The following KMT2C variants were observed in gnomAD, a reference collection of about 807,000 sequenced individuals.
KMT2C encodes lysine methyltransferase 2C.
In KMT2C, 88 loss-of-function variants were observed where a neutral mutation model predicts 507.9. That is an observed-to-expected ratio of 0.17 (90% confidence interval 0.15 to 0.21). The LOEUF (loss-of-function observed/expected upper bound fraction) is 0.21, where lower values mean the gene tolerates loss of function less well. Among genes scored for constraint, KMT2C ranks in the 10% least tolerant of loss-of-function variants. The pLI, the probability that KMT2C is intolerant of heterozygous loss-of-function variation, is 1.00. For synonymous variants in KMT2C, 2,049 were observed against 2,080.8 expected, an observed-to-expected ratio of 0.98 and a Z score of 0.42; for missense variants, 4,954 against 5,957.8, an observed-to-expected ratio of 0.83 and a Z score of 5.55.
chr7:152,424,537 C>A (rs1405448541), intron 1 of KMT2C, among the ~76,000 whole-genome samples: 1 of 152,118 alleles, frequency 6.6e-6, no homozygotes, highest in Non-Finnish European at 1.5e-5. Context: ...ATCCTCCCAC[C>A]TCAGCCTCCT....
intron 9 of KMT2C, among the ~76,000 whole-genome samples, chr7:152,262,577 T>C (rs1349105417): frequency 2.6e-5 from 4 of 152,202 alleles, no homozygotes; most frequent in Non-Finnish European, 5.9e-5. Context: ...GGTGATTCAA[T>C]ACACAAATTG....
intron 6 of KMT2C, among the ~76,000 whole-genome samples, chr7:152,275,593 T>C (rs1023835115): frequency 1.3e-5 from 2 of 152,176 alleles, no homozygotes; most frequent in African/African-American, 2.4e-5. Context: ...AGAAAATAAA[T>C]ATTTTTCTTC....
chr7:152,204,448 A>T (rs2094237194), intron 25 of KMT2C, among the ~76,000 whole-genome samples: 1 of 152,162 alleles, frequency 6.6e-6, no homozygotes, highest in Admixed American at 6.5e-5. Context: ...CCAAAAAATT[A>T]GCTAGGCATG....
intron 1 of KMT2C, among the ~76,000 whole-genome samples, chr7:152,380,165 GA>G (rs1365266271): frequency 9.8e-5 from 15 of 152,372 alleles, no homozygotes; most frequent in African/African-American, 3.6e-4. Context: ...CCAGGAGGCA[GA>G]AGTTGCAGTG....
intron 1 of KMT2C, among the ~76,000 whole-genome samples, chr7:152,373,824 A>T (rs1326078943): frequency 2.0e-5 from 3 of 152,116 alleles, no homozygotes; most frequent in Non-Finnish European, 4.4e-5. Flanking sequence ...GTAATATAAA[A>T]CTCTACTTAT....
chr7:152,178,536 AG>A (rs1181975538), intron 37 of KMT2C, among the ~76,000 whole-genome samples: 3 of 152,336 alleles, frequency 2.0e-5, no homozygotes, highest in Non-Finnish European at 2.9e-5. Context: ...TCATCTATAA[AG>A]ATTAAGTAAA....
At chr7:152,218,331 T>G (rs930262525) in intron 23 of KMT2C, among the ~76,000 whole-genome samples, 16 of 152,026 alleles carry the variant, frequency 1.1e-4, no homozygotes, top group African/African-American at 3.9e-4. Flanking sequence ...ACCCAGCTAA[T>G]TTTTGTATTT....
rs2093446041 is a variant in KMT2C, at chr7:152,181,907, A to C, written c.5953T>G (p.Ser1985Ala). The C allele has an allele frequency of 5.6e-6, 9 of 1,614,202 alleles. No individual in the cohort carries two copies. In the East Asian group the frequency reaches 2.0e-4, roughly 36 times the overall value. The change falls in exon 36 of 59, where the codon TCC becomes GCC. Residue 1985 changes from serine to alanine, a missense_variant. This residue lies in a region of KMT2C where 1,689 missense variants were observed against 1,654.3 expected (regional missense o/e 1.02). Coordinates refer to ENST00000262189, the MANE Select transcript of KMT2C (RefSeq NM_170606.3). ...TDQFPKSLGL[S>A]RSPVVSEQTA... is the part of the protein sequence containing the mutation. ...TGTTCTGAAACTACAGGAGACCGGG[A>C]TAGGCCCAAGGATTTGGGAAATTGA... is the stretch of plus-strand genomic sequence containing the variant.
In KMT2C at chr7:152,391,545, T is replaced by C. The variant is rs75585098; in HGVS notation, c.162-32870A>G. On this transcript the variant is annotated intron_variant, in intron 1 of 58. Coordinates refer to ENST00000262189, the MANE Select transcript of KMT2C (RefSeq NM_170606.3). ...ACATGAGCCACTGCATGCCCGGCCTTTTTTTTTTTTTTTTTTTTTGACACA... is the reference window on the plus strand; with the variant it reads ...ACATGAGCCACTGCATGCCCGGCCTCTTTTTTTTTTTTTTTTTTTGACACA... 3.7e-3 allele frequency among the ~76,000 whole-genome samples: 244 copies of C among 65,988 alleles called. No individual in the cohort carries two copies. In the South Asian group the frequency reaches 0.039, roughly 10 times the overall value. 43.3% of individuals were successfully genotyped at this position (65,988 alleles called of 152,430 possible). A position where few individuals can be genotyped will look rare whatever the true frequency, so the allele number is the denominator to read the frequency against.
At chr7:152,354,888 G>C (rs2097140382) in intron 2 of KMT2C, among the ~76,000 whole-genome samples, 1 of 152,170 alleles carries the variant, frequency 6.6e-6, no homozygotes, top group South Asian at 2.1e-4. Flanking sequence ...GGAGTCTTTG[G>C]ATGGTTGACA....
chr7:152,389,460 A>G (rs1283881129), intron 1 of KMT2C, among the ~76,000 whole-genome samples: 1 of 151,752 alleles, frequency 6.6e-6, no homozygotes, highest in African/African-American at 2.4e-5. Context: ...TACACTATTT[A>G]AATTTTCTAA....
At chr7:152,291,139 A>C (rs560077458) in intron 6 of KMT2C, among the ~76,000 whole-genome samples, 7 of 152,158 alleles carry the variant, frequency 4.6e-5, no homozygotes, top group Non-Finnish European at 1.0e-4. Context: ...CCAACTTTCA[A>C]AGCTATTAAG....
At chr7:152,204,636 T>TAGATAGATAGACAGAC (rs376481420) in intron 25 of KMT2C, among the ~76,000 whole-genome samples, 18 of 127,576 alleles carry the variant, frequency 1.4e-4, no homozygotes, top group South Asian at 1.0e-3. Flanking sequence ...GATAGATAGA[T>TAGATAGATAGACAGAC]AGACAGACAG....
intron 1 of KMT2C, among the ~76,000 whole-genome samples, chr7:152,432,971 A>C (rs770870260): frequency 6.6e-6 from 1 of 152,062 alleles, no homozygotes; most frequent in Non-Finnish European, 1.5e-5. Context: ...ACATGGTGAA[A>C]CCCTGTGTCT....
Position 152,330,613 on chromosome 7 carries a change from T to TCTACAC in KMT2C, c.371_376dup (p.Gly124_Val125dup). The TCTACAC allele has an allele frequency of 6.2e-7, 1 of 1,614,166 alleles. No individual in the cohort carries two copies. The highest frequency in any genetic ancestry group is 8.5e-7 in the Non-Finnish European group (1 of 1,180,004). ...TTCATTCTCTAACCTGATTTTGGCT[T>TCTACAC]CTACACCAACAGAGACCAGGGAGTT... On this transcript the variant is annotated inframe_insertion, in exon 3 of 59. Coordinates refer to ENST00000262189, the MANE Select transcript of KMT2C (RefSeq NM_170606.3).
intron 6 of KMT2C, among the ~76,000 whole-genome samples, chr7:152,279,151 T>G (rs1010385449): frequency 1.3e-5 from 2 of 152,126 alleles, no homozygotes; most frequent in African/African-American, 4.8e-5. Context: ...CAATAAAAAT[T>G]AGAAATTCAC....
intron 52 of KMT2C, among the ~76,000 whole-genome samples, chr7:152,147,728 AG>A (rs1208760135): frequency 1.8e-4 from 24 of 133,588 alleles, no homozygotes; most frequent in African/African-American, 6.8e-4. Flanking sequence ...AAAAAAAAAA[AG>A]AAAAAGAAAA....
At chr7:152,288,133 T>TA (rs2096340073) in intron 6 of KMT2C, among the ~76,000 whole-genome samples, 1 of 109,384 alleles carries the variant, frequency 9.1e-6, no homozygotes, top group South Asian at 2.8e-4. Flanking sequence ...AGTTGAAAAC[T>TA]AAAAAATATG....
chr7:152,198,181 T>C (rs1321843911), intron 27 of KMT2C, among the ~76,000 whole-genome samples: 1 of 152,078 alleles, frequency 6.6e-6, no homozygotes, highest in Non-Finnish European at 1.5e-5. Flanking sequence ...AGAATTAAAG[T>C]AGGAGGTAAA....
Sources: gnomAD v4.1 joint callset for allele counts (sites outside exome capture counted in the v4.1 genomes callset) on GRCh38, gnomAD v4.1.1 for gene constraint, gnomAD v4.1.1 regional missense constraint, MANE v1.5 for transcripts, NCBI Gene and HGNC (gene_info 2026-07-23, HGNC 2026-07-21) for gene names.